Variants in CUL4A observed in about 807,000 individuals in gnomAD.
CUL4A encodes cullin-4A.
CUL4A carries 16 observed loss-of-function variants against 95.5 expected under a neutral mutation model. The ratio of observed to expected loss-of-function variants is 0.17; its 90% confidence interval spans 0.11 to 0.25. CUL4A has a LOEUF of 0.25. CUL4A is among the 10% of genes least tolerant of loss of function. The pLI, the probability that CUL4A is intolerant of heterozygous loss-of-function variation, is 1.00. For missense variants in CUL4A, 610 were observed against 937.0 expected (o/e 0.65, Z 4.56); for synonymous variants, 380 against 353.1 (o/e 1.08, Z -0.85).
At chr13:113,234,017 G>T in intron 7 of CUL4A, 31 bp downstream of exon 7, 1 of 1,457,532 alleles carries the variant, frequency 6.9e-7, no homozygotes, top group Non-Finnish European at 9.6e-7. Flanking sequence ...CGAATCCCCT[G>T]GCTTCGTTTC....
At chr13:113,259,167 T>C (rs2316485) in intron 18 of CUL4A, among the ~76,000 whole-genome samples, 133,000 of 152,248 alleles carry the variant, frequency 0.87, 60,490 homozygotes, top group Non-Finnish European at 1. Context: ...CAAATAATGA[T>C]CGTTTTGTCT....
At chr13:113,231,345 A>C (rs2041302181) in intron 5 of CUL4A, among the ~76,000 whole-genome samples, 1 of 152,168 alleles carries the variant, frequency 6.6e-6, no homozygotes, top group Non-Finnish European at 1.5e-5. Context: ...TCAGGCAGCT[A>C]AGAAAGAAAG....
rs970478864 is a variant in CUL4A, at chr13:113,229,533, C to G, written c.512+14C>G. 5.6e-5 allele frequency: 90 copies of G among 1,608,296 alleles called. No homozygotes were observed. The highest frequency in any genetic ancestry group is 7.1e-5 in the Non-Finnish European group (84 of 1,176,534). On this transcript the variant is annotated intron_variant, in intron 5 of 19. Transcript: ENST00000375440. ...GCCCTCCATCTGGTGAGTGTCCTCACAGCGCAGAGCTGCGTCTTCCCTGCA... is the reference window on the plus strand; with the variant it reads ...GCCCTCCATCTGGTGAGTGTCCTCAGAGCGCAGAGCTGCGTCTTCCCTGCA...
At position 113,266,190 on chromosome 13, in the gene CUL4A, T is replaced by G. The variant is rs939038892; in HGVS notation, c.*2608T>G. ...ATCACCACGCCCAGATAATTTTTAT[T>G]GTATTTTTTATAGAGGCAGTGTCTT... On this transcript the variant is annotated 3_prime_UTR_variant, in exon 20 of 20. Coordinates refer to ENST00000375440, the MANE Select transcript of CUL4A (RefSeq NM_001008895.4). The G allele has an allele frequency of 6.6e-6, 1 of 152,142 alleles. No homozygotes were observed. The highest frequency in any genetic ancestry group is 2.4e-5 in the African/African-American group (1 of 41,434). 9.4% of individuals were successfully genotyped at this position (152,142 alleles called of 1,614,324 possible). A position where few individuals can be genotyped will look rare whatever the true frequency, so the allele number is the denominator to read the frequency against.
intron 7 of CUL4A, among the ~76,000 whole-genome samples, 199 bp downstream of exon 7, chr13:113,234,185 A>G (rs544855773): frequency 6.6e-6 from 1 of 152,306 alleles, no homozygotes; most frequent in East Asian, 1.9e-4. Flanking sequence ...TGAACTTAGA[A>G]ACTATTGCAC....
rs1566344483 is a variant in CUL4A at position 113,232,410 on chromosome 13, CACTATTACT to C, written c.513-765_513-757del. 2.0e-5 allele frequency among the ~76,000 whole-genome samples: 3 copies of C among 150,812 alleles called. No individual in the cohort carries two copies. In the South Asian group the frequency reaches 6.2e-4, roughly 31 times the overall value. On this transcript the variant is annotated intron_variant, in intron 5 of 19. Coordinates refer to ENST00000375440, the MANE Select transcript of CUL4A (RefSeq NM_001008895.4). ...ACTATATTACTGCTGCCACCACCACCACTATTACTATTACTGCCACCACCAGCACCACTC... is the reference window on the plus strand; with the variant it reads ...ACTATATTACTGCTGCCACCACCACCATTACTGCCACCACCAGCACCACTC...
At position 113,260,626 on chromosome 13, in the gene CUL4A, C is replaced by T; in HGVS notation, c.2051C>T (p.Thr684Ile). 1 of 1,610,980 alleles carries T rather than the reference C, an allele frequency of 6.2e-7. No homozygotes were observed. The highest frequency in any genetic ancestry group is 1.7e-5 in the Admixed American group (1 of 59,268). Reference sequence around the variant, plus strand: ...ATACAGGTTGAGGAACAGGTTAGCACCACTGAGAGAGTGTTTCAGGATAGA... The same window carrying T: ...ATACAGGTTGAGGAACAGGTTAGCATCACTGAGAGAGTGTTTCAGGATAGA... ...MKETVEEQVS[T>I]TERVFQDRQY... The change falls in exon 19 of 20, where the codon ACC becomes ATC. Residue 684 changes from threonine (T) to isoleucine (I), a missense_variant. This residue lies in a region of CUL4A where 28 missense variants were observed against 86.4 expected (regional missense o/e 0.32). Coordinates refer to ENST00000375440, the MANE Select transcript of CUL4A (RefSeq NM_001008895.4).
intron 15 of CUL4A, among the ~76,000 whole-genome samples, chr13:113,249,064 T>C (rs2041926485): frequency 6.6e-6 from 1 of 152,162 alleles, no homozygotes; most frequent in African/African-American, 2.4e-5. Flanking sequence ...CCCAGCCTGC[T>C]CTGCTCCGGA....
chr13:113,211,728 C>T (rs568395759), intron 2 of CUL4A, among the ~76,000 whole-genome samples: 2 of 152,184 alleles, frequency 1.3e-5, no homozygotes, highest in Admixed American at 6.5e-5. Context: ...TTGTGAATAA[C>T]CCTTTGTTTG....
chr13:113,228,275 G>A (rs899539616), intron 4 of CUL4A, among the ~76,000 whole-genome samples: 61 of 152,178 alleles, frequency 4.0e-4, no homozygotes, highest in African/African-American at 1.2e-3. Context: ...GTGGTGACAG[G>A]GTTCTTAGAT....
intron 4 of CUL4A, 81 bp from the exon 5 acceptor site, chr13:113,229,361 CAGCT>C (rs2139165821): frequency 9.0e-7 from 1 of 1,109,216 alleles, no homozygotes; most frequent in East Asian, 2.4e-5. Context: ...GGATTTGAGA[CAGCT>C]AGCATGGAGT....
intron 1 of CUL4A, 34 bp from the exon 2 acceptor site, chr13:113,209,939 G>T (rs1284224924): frequency 1.4e-6 from 2 of 1,462,276 alleles, no homozygotes; most frequent in Admixed American, 2.4e-5. Flanking sequence ...TTCGCGGCGC[G>T]CCCTGAGCCG....
intron 15 of CUL4A, among the ~76,000 whole-genome samples, chr13:113,252,644 C>T (rs974662869): frequency 2.6e-5 from 4 of 152,236 alleles, no homozygotes; most frequent in Non-Finnish European, 5.9e-5. Flanking sequence ...CACAGTGCAA[C>T]GCAAGGGGTT....
Position 113,254,998 on chromosome 13 carries a change from A to T in CUL4A, c.1904A>T (p.Lys635Ile), listed in dbSNP as rs766789914. Residue 635 changes from lysine (K) to isoleucine (I), a missense_variant, in exon 18 of 20, where the codon AAA (lysine) becomes ATA (isoleucine). Coordinates refer to ENST00000375440, the MANE Select transcript of CUL4A (RefSeq NM_001008895.4). The stretch of plus-strand genomic sequence containing the variant: ...ACGCTGCAGTCCCTGGCCTGTGGCA[A>T]AGCACGTGTGCTGATTAAAAGTCCC... ...RRTLQSLACG[K>I]ARVLIKSPKG... The T allele has an allele frequency of 6.2e-7, 1 of 1,614,060 alleles. No homozygotes were observed. The highest frequency in any genetic ancestry group is 1.3e-5 in the African/African-American group (1 of 75,070).
At chr13:113,208,492 G>A, upstream of CUL4A, 3 of 1,544,664 alleles carry the variant, frequency 1.9e-6, no homozygotes. Flanking sequence ...CGGAAGAAGG[G>A]TGGCGAGGCG....
chr13:113,229,679 T>C (rs2041240068), intron 5 of CUL4A, 160 bp downstream of exon 5: 2 of 612,644 alleles, frequency 3.3e-6, no homozygotes, highest in Non-Finnish European at 5.7e-6. Context: ...TCCAGGTGGG[T>C]CTTAGCCTTG....
At chr13:113,222,545 A>ACACGGATTGAGGCG (rs1312242978) in intron 3 of CUL4A, among the ~76,000 whole-genome samples, 1 of 151,948 alleles carries the variant, frequency 6.6e-6, no homozygotes. Context: ...GAAGGAGGTG[A>ACACGGATTGAGGCG]GGAGGCACTC....
At chr13:113,222,188 C>T (rs960263124) in intron 3 of CUL4A, among the ~76,000 whole-genome samples, 3 of 152,094 alleles carry the variant, frequency 2.0e-5, no homozygotes, top group African/African-American at 7.2e-5. Context: ...TGTGGAGGAG[C>T]CTTTGTTGAA....
At chr13:113,208,311 C>T (rs748483828), upstream of CUL4A, 5 of 1,432,192 alleles carry the variant, frequency 3.5e-6, no homozygotes, top group Non-Finnish European at 4.6e-6. Context: ...CACGTGCCAG[C>T]AAGTGAGGGC....
Sources: gnomAD v4.1 joint callset for allele counts (sites outside exome capture counted in the v4.1 genomes callset) on GRCh38, gnomAD v4.1.1 for gene constraint, gnomAD v4.1.1 regional missense constraint, MANE v1.5 for transcripts, NCBI Gene and HGNC (gene_info 2026-07-23, HGNC 2026-07-21) for gene names.